The following NBAS variants were observed in gnomAD, a reference collection of about 807,000 sequenced individuals.
NBAS encodes the protein NAG/BC035112 fusion.
NBAS carries 219 observed loss-of-function variants against 302.5 expected under a neutral mutation model. That is an observed-to-expected ratio of 0.72 (90% CI 0.65 to 0.81). The LOEUF is 0.81. Ranked by LOEUF, NBAS falls within the 30% of genes least tolerant of loss-of-function variation. NBAS has a pLI of 0.00. For synonymous variants in NBAS, 1,118 were observed against 1,021.6 expected (o/e 1.09, Z -1.80); for missense variants, 2,932 against 2,841.6 (o/e 1.03, Z -0.72).
chr2:15,481,888 T>C (rs1680442314), intron 12 of NBAS, among the ~76,000 whole-genome samples: 1 of 152,104 alleles, frequency 6.6e-6, no homozygotes, highest in Non-Finnish European at 1.5e-5. Context: ...AAGGAAGCTA[T>C]AAAACCTAAA....
the NBAS span, among the ~76,000 whole-genome samples, chr2:15,032,599 G>A: frequency 2.0e-5 from 3 of 152,098 alleles, no homozygotes; most frequent in Non-Finnish European, 4.4e-5. Context: ...AAGCAAGAAG[G>A]AACTAGAACT....
chr2:15,346,950 A>G (rs1425951253), intron 35 of NBAS, among the ~76,000 whole-genome samples: 1 of 152,186 alleles, frequency 6.6e-6, no homozygotes, highest in African/African-American at 2.4e-5. Flanking sequence ...GAGATGAACT[A>G]TGAGAACACA....
the NBAS span, among the ~76,000 whole-genome samples, chr2:15,033,467 G>A: frequency 1.9e-4 from 29 of 152,238 alleles, no homozygotes; most frequent in Admixed American, 1.8e-3. Context: ...AGGGTTGTAG[G>A]GATGGAATAA....
chr2:15,488,682 G>C (rs539567906), intron 12 of NBAS, among the ~76,000 whole-genome samples: 1 of 152,172 alleles, frequency 6.6e-6, no homozygotes, highest in Non-Finnish European at 1.5e-5. Flanking sequence ...TCTGTATACA[G>C]AGTGTACCAC....
At chr2:15,168,571 C>G (rs1197954749) in intron 51 of NBAS, among the ~76,000 whole-genome samples, 3 of 152,206 alleles carry the variant, frequency 2.0e-5, no homozygotes, top group African/African-American at 7.2e-5. Flanking sequence ...CCTCCTTCCT[C>G]CATACTCCCA....
chr2:15,136,051 G>A, the NBAS span, among the ~76,000 whole-genome samples: 13 of 152,294 alleles, frequency 8.5e-5, no homozygotes, highest in African/African-American at 2.2e-4. Flanking sequence ...ACCATTCTCC[G>A]GTCAAGAGGC....
intron 48 of NBAS, among the ~76,000 whole-genome samples, chr2:15,195,531 T>C (rs911864515): frequency 1.3e-5 from 2 of 152,130 alleles, no homozygotes; most frequent in African/African-American, 2.4e-5. Context: ...TTAGAGTGGG[T>C]AGCTAGGCAG....
chr2:14,907,494 T>C, the NBAS span: 2 of 152,232 alleles, frequency 1.3e-5, no homozygotes, highest in Non-Finnish European at 2.9e-5. Flanking sequence ...TGAGGCTAAA[T>C]AGCAAAATAC....
At chr2:15,089,991 G>A in the NBAS span, among the ~76,000 whole-genome samples, 13 of 151,900 alleles carry the variant, frequency 8.6e-5, no homozygotes, top group African/African-American at 1.7e-4. Flanking sequence ...CTCATGATCC[G>A]CCCACCCCAG....
chr2:14,787,899 T>C, the NBAS span, among the ~76,000 whole-genome samples: 1 of 152,360 alleles, frequency 6.6e-6, no homozygotes, highest in Non-Finnish European at 1.5e-5. Flanking sequence ...TTCTCCTGGA[T>C]AACATCCTGC....
At chr2:15,230,969 G>C (rs1407223942) in intron 47 of NBAS, among the ~76,000 whole-genome samples, 1 of 152,174 alleles carries the variant, frequency 6.6e-6, no homozygotes, top group African/African-American at 2.4e-5. Flanking sequence ...GACCAGCTCT[G>C]TGTCACCCCT....
chr2:14,787,900 A>G, the NBAS span, among the ~76,000 whole-genome samples: 1 of 152,184 alleles, frequency 6.6e-6, no homozygotes, highest in Non-Finnish European at 1.5e-5. Flanking sequence ...TCTCCTGGAT[A>G]ACATCCTGCA....
intron 35 of NBAS, among the ~76,000 whole-genome samples, chr2:15,345,729 G>C (rs908421249): frequency 2.0e-5 from 3 of 152,142 alleles, no homozygotes; most frequent in African/African-American, 7.2e-5. Context: ...TCAAGCTAGA[G>C]GCATCATGCT....
intron 9 of NBAS, among the ~76,000 whole-genome samples, chr2:15,520,897 C>T (rs1275852864): frequency 6.6e-6 from 1 of 152,166 alleles, no homozygotes; most frequent in African/African-American, 2.4e-5. Flanking sequence ...TTGCTTAAGC[C>T]TCTAGGAGCT....
chr2:15,173,576 G>C (rs1664396446), intron 51 of NBAS, among the ~76,000 whole-genome samples: 3 of 152,166 alleles, frequency 2.0e-5, no homozygotes, highest in African/African-American at 7.2e-5. Context: ...GATAATTTTT[G>C]TATTCTGTAT....
chr2:15,248,688 T>G (rs895526878), intron 44 of NBAS, among the ~76,000 whole-genome samples: 2 of 152,068 alleles, frequency 1.3e-5, no homozygotes, highest in African/African-American at 4.8e-5. Context: ...TATAAACACC[T>G]CTACACAAAT....
chr2:15,425,284 G>C lies in NBAS; in HGVS notation c.2424-816C>G, dbSNP rs536341757. ...CATGACTGGTGCTACAATGGTTCTT[G>C]TTGTAAGGCAATGAGCTTTGGAGTC... On this transcript the variant is annotated intron_variant, in intron 22 of 51. Coordinates refer to ENST00000281513, the MANE Select transcript of NBAS (RefSeq NM_015909.4). 9.2e-5 allele frequency among the ~76,000 whole-genome samples: 14 copies of C among 152,304 alleles called. 1 individual carries two copies. In the South Asian group the frequency reaches 1.4e-3, roughly 16 times the overall value.
intron 48 of NBAS, among the ~76,000 whole-genome samples, chr2:15,197,140 T>C (rs1665661067): frequency 6.6e-6 from 1 of 152,198 alleles, no homozygotes; most frequent in African/African-American, 2.4e-5. Context: ...TAGTCAACAG[T>C]GTTATAAACA....
chr2:15,326,300 C>T (rs1399974722), intron 38 of NBAS, among the ~76,000 whole-genome samples: 1 of 152,156 alleles, frequency 6.6e-6, no homozygotes, highest in Non-Finnish European at 1.5e-5. Flanking sequence ...ACTGTATCTG[C>T]AAAGTGCAAT....
Sources: gnomAD v4.1 joint callset for allele counts (sites outside exome capture counted in the v4.1 genomes callset) on GRCh38, gnomAD v4.1.1 for gene constraint, MANE v1.5 for transcripts, NCBI Gene and HGNC (gene_info 2026-07-23, HGNC 2026-07-21) for gene names.